The following CSMD3 variants were observed in gnomAD, a reference collection of about 807,000 sequenced individuals.
CSMD3 encodes the protein CUB and sushi domain-containing protein 3.
Under a neutral mutation model 435.2 loss-of-function variants are expected in CSMD3, and 177 were observed. The ratio of observed to expected loss-of-function variants is 0.41; its 90% CI spans 0.36 to 0.46. The LOEUF is 0.46. Among genes scored for constraint, CSMD3 ranks in the 20% least tolerant of loss-of-function variants. CSMD3 has a pLI of 0.34. For missense variants in CSMD3, 4,265 were observed against 4,504.6 expected, an observed-to-expected ratio of 0.95 and a Z score of 1.52; for synonymous variants, 1,656 against 1,520.5, an observed-to-expected ratio of 1.09 and a Z score of -2.07.
At chr8:113,053,716 G>A (rs1291409686) in intron 5 of CSMD3, among the ~76,000 whole-genome samples, 1 of 152,052 alleles carries the variant, frequency 6.6e-6, no homozygotes, top group Non-Finnish European at 1.5e-5. Context: ...TATACATATT[G>A]TAGAACTTTA....
chr8:112,921,548 C>A (rs2082743772), intron 10 of CSMD3, 79 bp downstream of exon 10: 10 of 1,168,674 alleles, frequency 8.6e-6, no homozygotes, highest in Admixed American at 6.8e-5. Context: ...AATTCAAAGA[C>A]TTAATTGCAA....
intron 6 of CSMD3, among the ~76,000 whole-genome samples, chr8:112,981,313 G>A (rs1039200761): frequency 2.0e-5 from 3 of 151,334 alleles, no homozygotes; most frequent in African/African-American, 7.3e-5. Context: ...AGTGATGTAA[G>A]AAAAAATTCA....
chr8:113,310,604 G>A (rs1416133772), intron 2 of CSMD3: 5 of 151,760 alleles, frequency 3.3e-5, no homozygotes, highest in South Asian at 2.1e-4. Flanking sequence ...ATAAAAATCA[G>A]ATATATGTAA....
chr8:112,496,361 A>C (rs1221238866), intron 30 of CSMD3, among the ~76,000 whole-genome samples: 2 of 152,360 alleles, frequency 1.3e-5, no homozygotes, highest in East Asian at 3.9e-4. Context: ...GATGTAAATT[A>C]GTACAGCCAC....
chr8:112,287,539 TG>T (rs1174420562), intron 57 of CSMD3, among the ~76,000 whole-genome samples: 1 of 152,104 alleles, frequency 6.6e-6, no homozygotes, highest in African/African-American at 2.4e-5. Context: ...ACCAAGCTAA[TG>T]GAAAATGTGT....
At chr8:112,380,514 TTAAG>T (rs2131236347) in intron 37 of CSMD3, 58 bp from the exon 38 acceptor site, 2 of 891,182 alleles carry the variant, frequency 2.2e-6, no homozygotes, top group Non-Finnish European at 3.8e-6. Context: ...TATAATAAAA[TTAAG>T]TAAGTTTACT....
intron 32 of CSMD3, among the ~76,000 whole-genome samples, chr8:112,420,333 C>T (rs751329315): frequency 6.6e-6 from 1 of 152,058 alleles, no homozygotes; most frequent in Non-Finnish European, 1.5e-5. Flanking sequence ...ATTCTTTTTC[C>T]ATAAATGCTT....
At chr8:113,357,230 T>A (rs190582136) in intron 1 of CSMD3, among the ~76,000 whole-genome samples, 125 of 152,344 alleles carry the variant, frequency 8.2e-4, no homozygotes, top group Admixed American at 2.6e-3. Context: ...TGCTTTGGAT[T>A]ATATTGTTTA....
At chr8:112,578,109 TAAAG>T (rs1194511061) in intron 23 of CSMD3, among the ~76,000 whole-genome samples, 3 of 152,006 alleles carry the variant, frequency 2.0e-5, no homozygotes, top group African/African-American at 7.2e-5. Flanking sequence ...GCATATAAAA[TAAAG>T]AACAATTTTT....
At chr8:113,252,101 T>C (rs2093339596) in intron 3 of CSMD3, among the ~76,000 whole-genome samples, 1 of 152,112 alleles carries the variant, frequency 6.6e-6, no homozygotes, top group Non-Finnish European at 1.5e-5. Context: ...AAAAAATCTG[T>C]TCATCTTTCT....
At chr8:113,086,227 CA>C (rs747804000) in intron 5 of CSMD3, among the ~76,000 whole-genome samples, 1 of 146,414 alleles carries the variant, frequency 6.8e-6, no homozygotes, top group Non-Finnish European at 1.5e-5. Context: ...CCAGCCTGGG[CA>C]ACAAAGCGAG....
At chr8:112,842,078 AG>A (rs2080193305) in intron 11 of CSMD3, among the ~76,000 whole-genome samples, 2 of 151,944 alleles carry the variant, frequency 1.3e-5, no homozygotes, top group Non-Finnish European at 2.9e-5. Flanking sequence ...TGGGTAACAC[AG>A]GTATAATATC....
chr8:112,276,456 C>G (rs1472251003), intron 59 of CSMD3, among the ~76,000 whole-genome samples: 1 of 152,144 alleles, frequency 6.6e-6, no homozygotes, highest in Non-Finnish European at 1.5e-5. Flanking sequence ...GGGCTCCAAC[C>G]CCATGTTTCT....
chr8:112,689,923 T>A lies in CSMD3; in HGVS notation c.2100A>T (p.Lys700Asn). ...CQFGFELIGE[K>N]SIVCQENNQW... is the part of the protein sequence containing the mutation. ...GGTTATTCTCTTGACAAACAATGGA[T>A]TTCTCTCCAATTAATTCAAACCCAA... The change falls in exon 14 of 71, where the codon AAA (lysine) becomes AAT (asparagine). Residue 700 changes from lysine (K) to asparagine (N), a missense_variant. By Grantham distance (94) the Lys-to-Asn change is moderately conservative (BLOSUM62 0). Transcript: ENST00000297405. The A allele has an allele frequency of 6.2e-7, 1 of 1,613,244 alleles. No individual in the cohort carries two copies. The highest frequency in any genetic ancestry group is 2.2e-5 in the East Asian group (1 of 44,796).
chr8:113,334,145 T>C (rs1301289106), intron 1 of CSMD3, among the ~76,000 whole-genome samples: 1 of 151,840 alleles, frequency 6.6e-6, no homozygotes, highest in East Asian at 1.9e-4. Context: ...TTATGTAGAG[T>C]AGTCTTTCTG....
At chr8:113,090,569 A>C (rs2089969203) in intron 5 of CSMD3, among the ~76,000 whole-genome samples, 1 of 152,116 alleles carries the variant, frequency 6.6e-6, no homozygotes, top group Non-Finnish European at 1.5e-5. Flanking sequence ...TTTATGGATA[A>C]AATTAATGTG....
chr8:112,985,242 T>C (rs2085212467), intron 6 of CSMD3, among the ~76,000 whole-genome samples: 1 of 152,114 alleles, frequency 6.6e-6, no homozygotes, highest in Non-Finnish European at 1.5e-5. Flanking sequence ...TTTTCCCTGA[T>C]ACATGAGGGA....
At chr8:113,028,628 C>T (rs565402137) in intron 5 of CSMD3, among the ~76,000 whole-genome samples, 6 of 151,476 alleles carry the variant, frequency 4.0e-5, no homozygotes, top group South Asian at 2.1e-4. Flanking sequence ...TTTGCTGATA[C>T]GGAGAAAGTT....
chr8:112,671,173 G>A (rs1423449041), intron 16 of CSMD3, among the ~76,000 whole-genome samples: 1 of 152,040 alleles, frequency 6.6e-6, no homozygotes, highest in African/African-American at 2.4e-5. Context: ...ACTAAATTTA[G>A]ACAGGCTTCT....
Sources: allele counts gnomAD v4.1 joint callset (sites outside exome capture counted in the v4.1 genomes callset), GRCh38; gene constraint gnomAD v4.1.1; transcripts MANE v1.5; gene names NCBI Gene and HGNC (gene_info 2026-07-23, HGNC 2026-07-21).